ZFAT: variants seen among roughly 807,000 people sequenced by gnomAD.
ZFAT encodes the protein zinc finger and AT-hook domain containing, also known as zinc finger protein ZFAT.
ZFAT carries 64 observed loss-of-function variants against 117.7 expected under a neutral mutation model. The ratio of observed to expected loss-of-function variants is 0.54; its 90% CI spans 0.44 to 0.67. The LOEUF is 0.67. Ranked by LOEUF, ZFAT falls within the 30% of genes least tolerant of loss-of-function variation. The pLI, the probability that ZFAT is intolerant of heterozygous loss-of-function variation, is 0.00. For missense variants in ZFAT, 1,433 were observed against 1,584.5 expected, an observed-to-expected ratio of 0.90 and a Z score of 1.62; for synonymous variants, 679 against 615.0, an observed-to-expected ratio of 1.10 and a Z score of -1.54.
the ZFAT span, chr8:134,795,498 T>C: frequency 1.3e-5 from 2 of 152,052 alleles, no homozygotes; most frequent in Non-Finnish European, 2.9e-5. Context: ...TGCACAGGAG[T>C]CATACAAAAT....
intron 1 of ZFAT, among the ~76,000 whole-genome samples, chr8:134,705,506 C>T (rs557282967): frequency 6.6e-6 from 1 of 151,968 alleles, no homozygotes; most frequent in African/African-American, 2.4e-5. Flanking sequence ...CATGAGCCAC[C>T]ACACTCAGCC....
intron 11 of ZFAT, among the ~76,000 whole-genome samples, chr8:134,533,631 A>C (rs1224919226): frequency 1.3e-5 from 2 of 152,242 alleles, no homozygotes; most frequent in East Asian, 1.9e-4. Flanking sequence ...ACTGGCATAC[A>C]CAAGTGTCAA....
chr8:134,608,629 G>T, intron 5 of ZFAT, 100 bp downstream of exon 5: 1 of 1,428,188 alleles, frequency 7.0e-7, no homozygotes, highest in Non-Finnish European at 9.5e-7. Context: ...AAGTTTATAA[G>T]CAGAATCCAA....
chr8:134,494,479 C>T (rs1818285411), intron 15 of ZFAT, among the ~76,000 whole-genome samples: 1 of 152,140 alleles, frequency 6.6e-6, no homozygotes, highest in Admixed American at 6.5e-5. Context: ...TGGCTCCTTT[C>T]CTCAGCTGAC....
chr8:134,657,775 C>T, intron 1 of ZFAT, 38 bp from the exon 2 acceptor site: 2 of 1,592,932 alleles, frequency 1.3e-6, no homozygotes, highest in Non-Finnish European at 1.7e-6. Context: ...TATTTCATCT[C>T]CACATAAACA....
chr8:134,491,858 G>A (rs1818078423), intron 15 of ZFAT, among the ~76,000 whole-genome samples: 2 of 152,298 alleles, frequency 1.3e-5, no homozygotes, highest in African/African-American at 4.8e-5. Flanking sequence ...TTCTGTGGAT[G>A]AGGACGTGGA....
the ZFAT span, among the ~76,000 whole-genome samples, chr8:134,731,832 AGAAAG>A: frequency 6.6e-6 from 1 of 152,244 alleles, no homozygotes; most frequent in African/African-American, 2.4e-5. Context: ...TCTGGCTCCC[AGAAAG>A]GAAAGGGAAT....
rs1173268343 is a variant in ZFAT, at chr8:134,602,440, C to T, written c.1279G>A (p.Gly427Arg). Residue 427 changes from glycine (G) to arginine (R), a missense_variant, in exon 6 of 16, where the codon GGA becomes AGA. Physicochemically the swap from Gly to Arg is moderately radical, Grantham distance 125. This residue lies in a region of ZFAT where 73 missense variants were observed against 122.0 expected (regional missense o/e 0.60). Coordinates refer to ENST00000377838, the MANE Select transcript of ZFAT (RefSeq NM_020863.4). ...TCACAGGCAAAAGGCCACTTGTCTCCGTGGACCAGCATATGGCGGTCACGG... is the reference window on the plus strand; with the variant it reads ...TCACAGGCAAAAGGCCACTTGTCTCTGTGGACCAGCATATGGCGGTCACGG... ...LDRDRHMLVH[G>R]DKWPFACELC... 3.7e-6 allele frequency: 6 copies of T among 1,613,938 alleles called. No individual in the cohort carries two copies. The highest frequency in any genetic ancestry group is 5.1e-6 in the Non-Finnish European group (6 of 1,179,998).
At chr8:134,813,935 A>G in the ZFAT span, among the ~76,000 whole-genome samples, 2 of 152,146 alleles carry the variant, frequency 1.3e-5, no homozygotes, top group South Asian at 4.1e-4. Flanking sequence ...ATACCCAAAA[A>G]TTACAATTAT....
At chr8:134,774,963 C>G in the ZFAT span, among the ~76,000 whole-genome samples, 2 of 152,094 alleles carry the variant, frequency 1.3e-5, no homozygotes, top group Non-Finnish European at 2.9e-5. Context: ...CTAAAAAATA[C>G]AATAATTAGC....
chr8:134,809,640 T>C, the ZFAT span, among the ~76,000 whole-genome samples: 20 of 152,228 alleles, frequency 1.3e-4, no homozygotes, highest in Non-Finnish European at 2.1e-4. Context: ...GCATTTTGAG[T>C]GGAGGGCGAT....
chr8:134,708,030 G>A (rs1223561099), intron 1 of ZFAT, among the ~76,000 whole-genome samples: 7 of 152,190 alleles, frequency 4.6e-5, no homozygotes, highest in Non-Finnish European at 7.3e-5. Context: ...AAATGTTGTC[G>A]TTTGTGACAA....
At chr8:134,705,786 G>A (rs553064766) in intron 1 of ZFAT, among the ~76,000 whole-genome samples, 229 of 151,278 alleles carry the variant, frequency 1.5e-3, no homozygotes, top group African/African-American at 5.0e-3. Context: ...TGATCCACCC[G>A]CCTTGGCCTC....
chr8:134,688,431 A>G (rs1441590164), intron 1 of ZFAT, among the ~76,000 whole-genome samples: 5 of 152,250 alleles, frequency 3.3e-5, no homozygotes, highest in African/African-American at 1.2e-4. Flanking sequence ...GCAATTCAGA[A>G]GCTTTTTGAG....
At chr8:134,644,959 A>G (rs1011556877) in intron 2 of ZFAT, among the ~76,000 whole-genome samples, 2 of 152,150 alleles carry the variant, frequency 1.3e-5, no homozygotes, top group African/African-American at 4.8e-5. Context: ...GTACTCACAA[A>G]CACACCCATA....
At chr8:134,818,500 T>C in the ZFAT span, among the ~76,000 whole-genome samples, 2 of 152,218 alleles carry the variant, frequency 1.3e-5, no homozygotes, top group Non-Finnish European at 2.9e-5. Context: ...TGTAAAATGG[T>C]ACTGCCACTT....
the ZFAT span, chr8:134,766,702 C>T: frequency 5.1e-4 from 78 of 152,242 alleles, no homozygotes; most frequent in African/African-American, 1.8e-3. Context: ...AAATTATAAC[C>T]ATATAATGTA....
At chr8:134,499,246 G>C (rs13277685) in intron 15 of ZFAT, among the ~76,000 whole-genome samples, 2 of 124,722 alleles carry the variant, frequency 1.6e-5, no homozygotes, top group African/African-American at 6.2e-5. Context: ...GTTACACACA[G>C]AGCCTGATTT....
intron 1 of ZFAT, among the ~76,000 whole-genome samples, chr8:134,703,635 G>T (rs1168818162): frequency 6.6e-6 from 1 of 152,226 alleles, no homozygotes; most frequent in East Asian, 1.9e-4. Context: ...TCCTCACTTG[G>T]AAAGCAGAGA....
Sources: gnomAD v4.1 joint callset for allele counts (sites outside exome capture counted in the v4.1 genomes callset) on GRCh38, gnomAD v4.1.1 for gene constraint, gnomAD v4.1.1 regional missense constraint, MANE v1.5 for transcripts, NCBI Gene and HGNC (gene_info 2026-07-23, HGNC 2026-07-21) for gene names.